The following COL13A1 variants were observed in gnomAD, a reference collection of about 807,000 sequenced individuals.
The protein encoded by COL13A1 is collagen alpha-1(XIII) chain.
In COL13A1, 89 loss-of-function variants were observed where a neutral mutation model predicts 130.9. The observed-to-expected ratio is 0.68, with a 90% CI of 0.57 to 0.81. COL13A1 has a LOEUF of 0.81. Among genes scored for constraint, COL13A1 ranks in the 30% least tolerant of loss-of-function variants. The pLI is 0.00. For synonymous variants in COL13A1, 402 were observed against 341.6 expected (o/e 1.18, Z -1.95); for missense variants, 879 against 934.6 (o/e 0.94, Z 0.78).
intron 38 of COL13A1, among the ~76,000 whole-genome samples, chr10:69,949,087 A>G (rs1468589249): frequency 6.6e-6 from 1 of 152,154 alleles, no homozygotes; most frequent in African/African-American, 2.4e-5. Flanking sequence ...CAGGTTTCCA[A>G]CTCAAGGGCA....
chr10:69,817,414 T>C (rs1273648211), intron 1 of COL13A1, among the ~76,000 whole-genome samples: 2 of 151,096 alleles, frequency 1.3e-5, no homozygotes, highest in Non-Finnish European at 2.9e-5. Context: ...CAGTTGACAA[T>C]GAAGTTGGGG....
chr10:69,922,736 T>C lies in COL13A1; in HGVS notation c.1172T>C (p.Ile391Thr), dbSNP rs764388319. 1.3e-5 allele frequency: 21 copies of C among 1,607,080 alleles called. 1 individual carries two copies. Among genetic ancestry groups the C allele is most frequent in the Middle Eastern group, 1.7e-4 (1 of 6,046 alleles). The change falls in exon 23 of 41, where the codon ATT becomes ACT. Residue 391 changes from isoleucine to threonine, a missense_variant. By Grantham distance (89) the Ile-to-Thr change is moderately conservative. Transcript: ENST00000645393. The stretch of plus-strand genomic sequence containing the variant: ...GAGAAAGGCGATGCTGGCAACTCCA[T>C]TGGAGGAGGCAGAGGGGAACCTGGC... ...KGEKGDAGNS[I>T]GGGRGEPGPP...
intron 32 of COL13A1, 110 bp downstream of exon 32, chr10:69,935,501 G>T: frequency 3.7e-6 from 3 of 819,838 alleles, no homozygotes; most frequent in Non-Finnish European, 5.6e-6. Context: ...CCCAGGGAGG[G>T]ATTTTCTGGT....
intron 39 of COL13A1, chr10:69,954,767 T>A (rs1057387525): frequency 6.6e-6 from 1 of 152,264 alleles, no homozygotes; most frequent in Non-Finnish European, 1.5e-5. Context: ...TCCTCGTCCC[T>A]TTCTTTCATG....
At chr10:69,900,410 T>C (rs188522850) in intron 14 of COL13A1, among the ~76,000 whole-genome samples, 1 of 152,322 alleles carries the variant, frequency 6.6e-6, no homozygotes, top group African/African-American at 2.4e-5. Flanking sequence ...GGCCACTGCA[T>C]GTTACTGCCT....
At position 69,904,787 on chromosome 10, in the gene COL13A1, A is replaced by G. The variant is rs975015598; in HGVS notation, c.859-146A>G. 68 of 799,546 alleles carry G rather than the reference A, an allele frequency of 8.5e-5. No individual in the cohort carries two copies. The African/African-American group carries it at 1.2e-3, about 14-fold the overall frequency. The allele number at this position is 799,546 out of a possible 1,614,324, so 49.5% of individuals were successfully genotyped here. On this transcript the variant is annotated intron_variant, in intron 15 of 40. Coordinates refer to ENST00000645393, the MANE Select transcript of COL13A1 (RefSeq NM_001368882.1). ...TTCAGATCCCCTTCTAGGATCCACT[A>G]GAGCTGTTGGCTATAGCATGCCTAT...
intron 16 of COL13A1, 110 bp downstream of exon 16, chr10:69,905,069 T>A: frequency 7.9e-7 from 1 of 1,262,026 alleles, no homozygotes; most frequent in Non-Finnish European, 1.1e-6. Flanking sequence ...GGATCTCAGC[T>A]GAGAGACAGA....
chr10:69,811,397 T>C (rs1843009286), intron 1 of COL13A1, among the ~76,000 whole-genome samples: 1 of 152,168 alleles, frequency 6.6e-6, no homozygotes, highest in Non-Finnish European at 1.5e-5. Flanking sequence ...CATGCTCTGA[T>C]AAGGTGGCCT....
chr10:69,897,335 G>A (rs1175603640), intron 13 of COL13A1: 2 of 790,488 alleles, frequency 2.5e-6, no homozygotes, highest in African/African-American at 1.8e-5. Context: ...AATCCAGGTG[G>A]CCCCTCCTCC....
intron 26 of COL13A1, 147 bp from the exon 27 acceptor site, chr10:69,926,940 G>C: frequency 9.9e-7 from 1 of 1,006,430 alleles, no homozygotes; most frequent in Admixed American, 1.7e-5. Context: ...GTGAGTCTGG[G>C]GGCCATGGAG....
intron 1 of COL13A1, among the ~76,000 whole-genome samples, chr10:69,819,683 C>T (rs796720577): frequency 2.6e-4 from 40 of 152,298 alleles, no homozygotes; most frequent in African/African-American, 8.9e-4. Flanking sequence ...CCAACACTCC[C>T]AACAGCTAAA....
In COL13A1 at chr10:69,940,977, C is replaced by T. The variant is rs770485910; in HGVS notation, c.1879-11C>T. 21 of 1,613,800 alleles carry T rather than the reference C, an allele frequency of 1.3e-5. No individual in the cohort carries two copies. The highest frequency in any genetic ancestry group is 1.2e-4 in the Admixed American group (7 of 59,980). ...TCCCCTTCTTTTGGTCAAACTGTGC[C>T]CTTCGTCCAGGGAGCTTCAGGTTTG... On this transcript the variant is annotated splice_polypyrimidine_tract_variant and intron_variant, in intron 34 of 40. Coordinates refer to ENST00000645393, the MANE Select transcript of COL13A1 (RefSeq NM_001368882.1).
At chr10:69,867,949 T>A in intron 3 of COL13A1, 144 bp downstream of exon 3, 1 of 637,720 alleles carries the variant, frequency 1.6e-6, no homozygotes, top group Non-Finnish European at 2.9e-6. Flanking sequence ...CCCTCCAGAA[T>A]GCCTCTTGTG....
At chr10:69,940,630 T>A (rs906460037) in intron 34 of COL13A1, among the ~76,000 whole-genome samples, 1 of 152,126 alleles carries the variant, frequency 6.6e-6, no homozygotes, top group Non-Finnish European at 1.5e-5. Flanking sequence ...GACATCTCTC[T>A]AAGCATTCCT....
chr10:69,859,068 T>G (rs1033218923), intron 2 of COL13A1, among the ~76,000 whole-genome samples: 12 of 152,196 alleles, frequency 7.9e-5, no homozygotes, highest in African/African-American at 2.9e-4. Flanking sequence ...GACCTCTCTG[T>G]GGCTCAGTTT....
At chr10:69,837,511 CA>C (rs1471822471) in intron 2 of COL13A1, among the ~76,000 whole-genome samples, 2 of 152,250 alleles carry the variant, frequency 1.3e-5, no homozygotes, top group Admixed American at 6.5e-5. Context: ...CATTAAAAGA[CA>C]GCAAAAGATG....
intron 31 of COL13A1, among the ~76,000 whole-genome samples, chr10:69,933,046 G>A (rs1363514791): frequency 6.7e-6 from 1 of 148,186 alleles, no homozygotes; most frequent in African/African-American, 2.5e-5. Flanking sequence ...TGAGGCAGGA[G>A]AATCACGTGA....
At chr10:69,918,153 G>T in intron 18 of COL13A1, 132 bp from the exon 19 acceptor site, 6 of 688,930 alleles carry the variant, frequency 8.7e-6, no homozygotes, top group Non-Finnish European at 1.4e-5. Context: ...TGGGGTTGGT[G>T]GTTGCGGGGT....
chr10:69,840,381 C>T (rs986130684), intron 2 of COL13A1, among the ~76,000 whole-genome samples: 4 of 152,152 alleles, frequency 2.6e-5, no homozygotes, highest in African/African-American at 9.7e-5. Flanking sequence ...CTAGAGTGAG[C>T]AGTTTGTTGA....
Sources: gnomAD v4.1 joint callset for allele counts (sites outside exome capture counted in the v4.1 genomes callset) on GRCh38, gnomAD v4.1.1 for gene constraint, MANE v1.5 for transcripts, NCBI Gene and HGNC (gene_info 2026-07-23, HGNC 2026-07-21) for gene names.